PCDHGA3: variants seen among roughly 807,000 people sequenced by gnomAD.
The protein encoded by PCDHGA3 is protocadherin gamma subfamily A, 3.
Under a neutral mutation model 58.5 loss-of-function variants are expected in PCDHGA3, and 40 were observed. The observed-to-expected ratio is 0.68, with a 90% CI of 0.53 to 0.89. PCDHGA3 has a LOEUF of 0.89. Ranked by LOEUF, PCDHGA3 falls within the 40% of genes least tolerant of loss-of-function variation. The pLI is 0.00. For synonymous variants in PCDHGA3, 530 were observed against 525.7 expected, an observed-to-expected ratio of 1.01 and a Z score of -0.11; for missense variants, 1,223 against 1,195.9, an observed-to-expected ratio of 1.02 and a Z score of -0.33.
intron 1 of PCDHGA3, chr5:141,372,960 G>T (rs1769206598): frequency 1.4e-6 from 1 of 709,456 alleles, no homozygotes; most frequent in Non-Finnish European, 2.2e-6. Context: ...ATTCTTTGTA[G>T]AATTTCCTGT....
In PCDHGA3 at chr5:141,493,482, G is replaced by T. The variant is rs184736387; in HGVS notation, c.2425-1325G>T. The stretch of plus-strand genomic sequence containing the variant: ...TTTTAGGACCTTACATGTGGGGAAA[G>T]TCTTCTGTGGCTCCTCATTTCTGAG... On this transcript the variant is annotated intron_variant, in intron 1 of 3. Coordinates refer to ENST00000253812, the MANE Select transcript of PCDHGA3 (RefSeq NM_018916.4). The surrounding 1 kb of genome is among the most constrained non-coding windows in gnomAD (Gnocchi z 4.3). 6.6e-6 allele frequency among the ~76,000 whole-genome samples: 1 copy of T among 152,206 alleles called. No individual in the cohort carries two copies. Among genetic ancestry groups the T allele is most frequent in the Admixed American group, 6.5e-5 (1 of 15,282 alleles).
At chr5:141,462,990 A>G (rs181384059) in intron 1 of PCDHGA3, among the ~76,000 whole-genome samples, 1 of 152,126 alleles carries the variant, frequency 6.6e-6, no homozygotes, top group Non-Finnish European at 1.5e-5. Flanking sequence ...GCCTTGGGCT[A>G]ATTTAGACCT....
intron 1 of PCDHGA3, chr5:141,409,208 G>A: frequency 6.2e-7 from 1 of 1,613,984 alleles, no homozygotes; most frequent in South Asian, 1.1e-5. Context: ...AGTAATCATA[G>A]AAATCCTTGA....
At chr5:141,376,788 G>A (rs944207667) in intron 1 of PCDHGA3, 10 of 365,346 alleles carry the variant, frequency 2.7e-5, no homozygotes, top group Non-Finnish European at 4.9e-5. Context: ...CCGGGTTCAC[G>A]CCATTCTCCT....
chr5:141,433,408 A>T lies in PCDHGA3; in HGVS notation c.2425-61399A>T, dbSNP rs1052180455. On this transcript the variant is annotated intron_variant, in intron 1 of 3. Coordinates refer to ENST00000253812, the MANE Select transcript of PCDHGA3 (RefSeq NM_018916.4). Reference sequence around the variant, plus strand: ...CTATCTATCTATCTATCTATCTATTACTTTCTTGTACAGACAGGAGTCTCA... The same window carrying T: ...CTATCTATCTATCTATCTATCTATTTCTTTCTTGTACAGACAGGAGTCTCA... 4.2e-3 allele frequency among the ~76,000 whole-genome samples: 537 copies of T among 127,344 alleles called. 4 individuals carry two copies. The highest frequency in any genetic ancestry group is 0.015 in the African/African-American group (523 of 34,010). 83.5% of individuals were successfully genotyped at this position (127,344 alleles called of 152,430 possible). A position where few individuals can be genotyped will look rare whatever the true frequency, so the allele number is the denominator to read the frequency against.
At chr5:141,400,415 T>C (rs1054517262) in intron 1 of PCDHGA3, 16 of 1,614,080 alleles carry the variant, frequency 9.9e-6, no homozygotes, top group Non-Finnish European at 1.3e-5. Flanking sequence ...TTTAATTTCC[T>C]AAAATGTAGT....
chr5:141,432,421 C>T lies in PCDHGA3; in HGVS notation c.2425-62386C>T, dbSNP rs771647620. 10 of 1,614,126 alleles carry T rather than the reference C, an allele frequency of 6.2e-6. No homozygotes were observed. In the African/African-American group the frequency reaches 1.2e-4, roughly 19 times the overall value. ...TGTCGTTGAGCCTGTTCGTGCTGGA[C>T]CAGAACGACAATGCGCCCGAGATCC... On this transcript the variant is annotated intron_variant, in intron 1 of 3. Transcript: ENST00000253812. This position sits in a 1 kb window ranked among gnomAD's most constrained non-coding sequence, Gnocchi z 6.0.
chr5:141,489,257 T>C lies in PCDHGA3; in HGVS notation c.2425-5550T>C, dbSNP rs2099684606. 5.8e-6 allele frequency: 9 copies of C among 1,550,190 alleles called. No homozygotes were observed. The highest frequency in any genetic ancestry group is 1.4e-5 in the African/African-American group (1 of 73,054). On this transcript the variant is annotated intron_variant, in intron 1 of 3. Transcript: ENST00000253812. This position sits in a 1 kb window ranked among gnomAD's most constrained non-coding sequence, Gnocchi z 4.5. Reference sequence around the variant, plus strand: ...TTCTGGGTCATGGGGCCCAAGACACTCCCACAGCTCGCTGGGAAATGGCAA... The same window carrying C: ...TTCTGGGTCATGGGGCCCAAGACACCCCCACAGCTCGCTGGGAAATGGCAA...
chr5:141,406,662 AT>A (rs2094837131), intron 1 of PCDHGA3, among the ~76,000 whole-genome samples: 1 of 152,208 alleles, frequency 6.6e-6, no homozygotes, highest in African/African-American at 2.4e-5. Flanking sequence ...TTAATGTTAA[AT>A]TATGGAGAAT....
At chr5:141,452,760 G>C (rs920853226) in intron 1 of PCDHGA3, among the ~76,000 whole-genome samples, 1 of 152,120 alleles carries the variant, frequency 6.6e-6, no homozygotes, top group African/African-American at 2.4e-5. Context: ...AAGGAAGGGA[G>C]GGAGGGAAAA....
At position 141,410,109 on chromosome 5, in the gene PCDHGA3, A is replaced by T. The variant is rs771550139; in HGVS notation, c.2424+63652A>T. On this transcript the variant is annotated intron_variant, in intron 1 of 3. Transcript: ENST00000253812. ...ACGGCTCGAGCCTTAGGCGACAGGG[A>T]CGCAGCCCGCCAGCGCCTGCTGGTC... is the stretch of plus-strand genomic sequence containing the variant. 9.9e-6 allele frequency: 16 copies of T among 1,612,380 alleles called. 1 individual carries two copies. The South Asian group carries it at 1.6e-4, about 17-fold the overall frequency.
intron 1 of PCDHGA3, chr5:141,415,512 T>C (rs997659180): frequency 1.9e-6 from 3 of 1,614,234 alleles, no homozygotes; most frequent in Non-Finnish European, 2.5e-6. Context: ...AGCCCAATTA[T>C]GCGGACACGC....
At chr5:141,400,214 C>T in intron 1 of PCDHGA3, 1 of 1,614,042 alleles carries the variant, frequency 6.2e-7, no homozygotes, top group Non-Finnish European at 8.5e-7. Context: ...GCCTTGATCT[C>T]AGTGCTCTTC....
chr5:141,431,393 C>T lies in PCDHGA3; in HGVS notation c.2425-63414C>T, dbSNP rs1485575362. 5 of 1,613,884 alleles carry T rather than the reference C, an allele frequency of 3.1e-6. No individual in the cohort carries two copies. Among genetic ancestry groups the T allele is most frequent in the Non-Finnish European group, 4.2e-6 (5 of 1,180,048 alleles). On this transcript the variant is annotated intron_variant, in intron 1 of 3. Coordinates refer to ENST00000253812, the MANE Select transcript of PCDHGA3 (RefSeq NM_018916.4). The surrounding 1 kb of genome is among the most constrained non-coding windows in gnomAD (Gnocchi z 4.8). ...AGAAAAGGCTGCTCACCACCTGGTC[C>T]TTACGGCCTCCGACGGGGGCGACCC...
intron 1 of PCDHGA3, chr5:141,372,377 C>A (rs1006605507): frequency 6.2e-7 from 1 of 1,613,996 alleles, no homozygotes; most frequent in Non-Finnish European, 8.5e-7. Flanking sequence ...TCATGCTGCA[C>A]CTAATCTTCG....
intron 2 of PCDHGA3, among the ~76,000 whole-genome samples, chr5:141,502,866 C>CTTTTTTCTT (rs2099816532): frequency 7.8e-6 from 1 of 128,046 alleles, no homozygotes; most frequent in African/African-American, 3.1e-5. Context: ...GACTCTCTGT[C>CTTTTTTCTT]TTTTTTTTTT....
intron 1 of PCDHGA3, chr5:141,427,848 C>A: frequency 6.4e-7 from 1 of 1,551,668 alleles, no homozygotes; most frequent in Non-Finnish European, 8.8e-7. Flanking sequence ...CGACCACGAG[C>A]AGCTGTGCGC....
At chr5:141,381,826 C>T (rs867772225) in intron 1 of PCDHGA3, among the ~76,000 whole-genome samples, 29 of 74,288 alleles carry the variant, frequency 3.9e-4, no homozygotes, top group Admixed American at 9.7e-4. Flanking sequence ...CTTTCTTCTT[C>T]TTTTTTTTTT....
At chr5:141,436,318 CTG>C (rs1309397202) in intron 1 of PCDHGA3, among the ~76,000 whole-genome samples, 1 of 152,154 alleles carries the variant, frequency 6.6e-6, no homozygotes, top group Non-Finnish European at 1.5e-5. Flanking sequence ...ATAGTCAAGA[CTG>C]TTAGACCATA....
Sources: gnomAD v4.1 joint callset for allele counts (sites outside exome capture counted in the v4.1 genomes callset) on GRCh38, gnomAD v4.1.1 for gene constraint, Gnocchi (gnomAD v3.1) non-coding constraint, MANE v1.5 for transcripts, NCBI Gene and HGNC (gene_info 2026-07-23, HGNC 2026-07-21) for gene names.